Variants in VPS53 observed in about 807,000 individuals in gnomAD.
VPS53 encodes the protein VPS53 subunit of GARP complex.
VPS53 carries 70 observed loss-of-function variants against 107.0 expected under a neutral mutation model. The observed-to-expected ratio is 0.65, with a 90% CI of 0.54 to 0.80. The LOEUF is 0.80. VPS53 is among the 30% of genes least tolerant of loss of function. The pLI is 0.00. For missense variants in VPS53, 917 were observed against 1,049.4 expected, an observed-to-expected ratio of 0.87 and a Z score of 1.74; for synonymous variants, 409 against 393.3, an observed-to-expected ratio of 1.04 and a Z score of -0.47.
chr17:615,694 C>T (rs559648999), intron 11 of VPS53, among the ~76,000 whole-genome samples: 1 of 152,294 alleles, frequency 6.6e-6, no homozygotes, highest in East Asian at 1.9e-4. Flanking sequence ...ACAATTTATT[C>T]TGGTATTTTG....
chr17:612,184 C>T lies in VPS53; in HGVS notation c.1117-10288G>A, dbSNP rs183314887. 9.1e-3 allele frequency among the ~76,000 whole-genome samples: 1,380 copies of T among 150,950 alleles called. 19 individuals are homozygous for T. The highest frequency in any genetic ancestry group is 0.015 in the Non-Finnish European group (989 of 67,756). On this transcript the variant is annotated intron_variant, in intron 11 of 21. Coordinates refer to ENST00000437048, the MANE Select transcript of VPS53 (RefSeq NM_001128159.3). ...TACAAATATTCATAGTGAGTTCACACAGTGAAAACCTGTACAGATATTCAC... is the reference window on the plus strand; with the variant it reads ...TACAAATATTCATAGTGAGTTCACATAGTGAAAACCTGTACAGATATTCAC...
At chr17:542,258 G>C (rs1031895397) in intron 17 of VPS53, among the ~76,000 whole-genome samples, 3 of 152,198 alleles carry the variant, frequency 2.0e-5, no homozygotes, top group African/African-American at 7.2e-5. Flanking sequence ...GGATGAAACA[G>C]GATTGAGGAC....
intron 4 of VPS53, among the ~76,000 whole-genome samples, chr17:679,881 C>G (rs1004474197): frequency 6.6e-6 from 1 of 152,192 alleles, no homozygotes; most frequent in African/African-American, 2.4e-5. Context: ...GGCATGGTGG[C>G]TCACACCTGT....
At chr17:631,494 T>G in intron 8 of VPS53, 56 bp downstream of exon 8, 121 of 1,561,982 alleles carry the variant, frequency 7.7e-5, no homozygotes, top group Non-Finnish European at 1.0e-4. Context: ...GGGGTGAGCG[T>G]GAGCTCGGCA....
chr17:691,040 C>T (rs548048309), intron 4 of VPS53, among the ~76,000 whole-genome samples: 1 of 152,274 alleles, frequency 6.6e-6, no homozygotes, highest in African/African-American at 2.4e-5. Context: ...AGCATGTCCA[C>T]TCCTGGGAAC....
rs566633720 is a variant in VPS53 at position 618,901 on chromosome 17, T to A, written c.1116+4632A>T. Among the ~76,000 whole-genome samples, 205 of 147,370 alleles carry A rather than the reference T, an allele frequency of 1.4e-3. 4 individuals are homozygous for A. Among genetic ancestry groups the A allele is most frequent in the African/African-American group, 5.1e-3 (199 of 39,272 alleles). ...GACTACAGGCGCCCACCACGCCTGC[T>A]AATATTTTCTGGGTAGCTGGGACTA... On this transcript the variant is annotated intron_variant, in intron 11 of 21. Coordinates refer to ENST00000437048, the MANE Select transcript of VPS53 (RefSeq NM_001128159.3).
rs539339409 is a variant in VPS53 at position 525,805 on chromosome 17, C to A, written c.2086-4067G>T. Among the ~76,000 whole-genome samples, 28 of 151,968 alleles carry A rather than the reference C, an allele frequency of 1.8e-4. No individual in the cohort carries two copies. The South Asian group carries it at 5.6e-3, about 30-fold the overall frequency. On this transcript the variant is annotated intron_variant, in intron 19 of 21. Coordinates refer to ENST00000437048, the MANE Select transcript of VPS53 (RefSeq NM_001128159.3). ...TTAAGGTCAGGAATTTGAGACCAGC[C>A]TGGCCAACATGGTGAGACCCCATCT... is the stretch of plus-strand genomic sequence containing the variant.
intron 19 of VPS53, among the ~76,000 whole-genome samples, chr17:528,161 T>A (rs866862241): frequency 1.3e-5 from 2 of 152,158 alleles, no homozygotes; most frequent in African/African-American, 4.8e-5. Flanking sequence ...GTTTTTAAGG[T>A]CTATTCACAA....
chr17:577,998 C>G (rs1914785251), intron 13 of VPS53, among the ~76,000 whole-genome samples: 1 of 151,610 alleles, frequency 6.6e-6, no homozygotes, highest in Admixed American at 6.6e-5. Flanking sequence ...GAAATTCCCT[C>G]AGAACATAAT....
chr17:658,100 G>C (rs539819666), intron 5 of VPS53, among the ~76,000 whole-genome samples: 2 of 104,534 alleles, frequency 1.9e-5, no homozygotes, highest in Non-Finnish European at 2.0e-5. Flanking sequence ...ATACTCGGCC[G>C]TGAGTTCGTG....
At chr17:530,143 CTTTTT>C (rs35030075) in intron 19 of VPS53, among the ~76,000 whole-genome samples, 3 of 127,276 alleles carry the variant, frequency 2.4e-5, no homozygotes, top group African/African-American at 2.9e-5. Context: ...AATTTATATT[CTTTTT>C]TTTTTTTTTT....
intron 15 of VPS53, 32 bp downstream of exon 15, chr17:560,394 G>C: frequency 6.3e-7 from 1 of 1,599,912 alleles, no homozygotes; most frequent in African/African-American, 1.3e-5. Context: ...TCAGGAAAAG[G>C]AGGTGGTGAG....
chr17:685,207 G>C (rs1386363106), intron 4 of VPS53: 2 of 152,110 alleles, frequency 1.3e-5, no homozygotes, highest in Non-Finnish European at 2.9e-5. Flanking sequence ...CAAGAGCCTG[G>C]GTCTGGAAAC....
intron 4 of VPS53, among the ~76,000 whole-genome samples, chr17:665,141 A>T (rs57409139): frequency 1.3e-5 from 2 of 152,158 alleles, no homozygotes; most frequent in Non-Finnish European, 2.9e-5. Context: ...CCTCACGAAC[A>T]AATGAATGGC....
intron 4 of VPS53, among the ~76,000 whole-genome samples, chr17:668,510 A>T (rs1353138540): frequency 1.3e-5 from 2 of 152,192 alleles, no homozygotes; most frequent in East Asian, 3.8e-4. Context: ...ACAGAGTCTA[A>T]TATCCAAGAT....
chr17:601,953 C>G (rs1244095454), intron 11 of VPS53, 57 bp from the exon 12 acceptor site: 2 of 1,276,504 alleles, frequency 1.6e-6, no homozygotes. Context: ...ATAGCTTTCC[C>G]CATTGATCTG....
intron 15 of VPS53, among the ~76,000 whole-genome samples, 171 bp from the exon 16 acceptor site, chr17:553,633 C>A (rs947103325): frequency 6.9e-6 from 1 of 144,438 alleles, no homozygotes; most frequent in African/African-American, 2.6e-5. Flanking sequence ...TGCAGTGGTG[C>A]GACCTCGGCT....
chr17:528,441 T>G (rs1048805525), intron 19 of VPS53, among the ~76,000 whole-genome samples: 1 of 152,228 alleles, frequency 6.6e-6, no homozygotes, highest in African/African-American at 2.4e-5. Flanking sequence ...TTCCTTTTAA[T>G]GGCTGAGTAA....
chr17:598,176 C>A (rs551203366), intron 12 of VPS53, among the ~76,000 whole-genome samples: 2 of 152,176 alleles, frequency 1.3e-5, no homozygotes, highest in African/African-American at 4.8e-5. Flanking sequence ...TTGGCCAGGC[C>A]GGTCTCCAGC....
Sources: gnomAD v4.1 joint callset for allele counts (sites outside exome capture counted in the v4.1 genomes callset) on GRCh38, gnomAD v4.1.1 for gene constraint, MANE v1.5 for transcripts, NCBI Gene and HGNC (gene_info 2026-07-23, HGNC 2026-07-21) for gene names.